GRM7: variants seen among roughly 807,000 people sequenced by gnomAD.
GRM7 encodes the protein glutamate metabotropic receptor 7, also known as metabotropic glutamate receptor 7.
A neutral mutation model predicts 84.5 loss-of-function variants in GRM7; 35 were observed. The observed-to-expected ratio is 0.41, with a 90% CI of 0.32 to 0.55. GRM7 has a LOEUF of 0.55. Among genes scored for constraint, GRM7 ranks in the 20% least tolerant of loss-of-function variants. GRM7 has a pLI of 0.19. For synonymous variants in GRM7, 487 were observed against 455.1 expected (o/e 1.07, Z -0.89); for missense variants, 1,003 against 1,194.6 (o/e 0.84, Z 2.36).
chr3:6,958,145 C>A (rs1419118700), intron 1 of GRM7, among the ~76,000 whole-genome samples: 1 of 151,790 alleles, frequency 6.6e-6, no homozygotes, highest in Admixed American at 6.6e-5. Flanking sequence ...ATCAAATTTA[C>A]CACCCCCAAA....
At chr3:7,730,918 A>G (rs569138027) in intron 9 of GRM7, among the ~76,000 whole-genome samples, 2 of 152,326 alleles carry the variant, frequency 1.3e-5, no homozygotes, top group African/African-American at 4.8e-5. Context: ...TTTTTTTCCA[A>G]AGTAAAACAT....
At chr3:7,142,615 T>C (rs1385264862) in intron 1 of GRM7, among the ~76,000 whole-genome samples, 1 of 152,146 alleles carries the variant, frequency 6.6e-6, no homozygotes, top group Non-Finnish European at 1.5e-5. Context: ...ATGTAGATTA[T>C]AGTTCTTGAT....
At position 7,740,425 on chromosome 3, in the gene GRM7, A is replaced by T. The variant is rs1235784694; in HGVS notation, c.*19A>T. ...TATCTAACCTGTTCCATTCCATGGA[A>T]CCATGGAGGAGGAAGACCCTCAGTT... On this transcript the variant is annotated 3_prime_UTR_variant, in exon 10 of 10. Transcript: ENST00000357716. 3 of 1,406,790 alleles carry T rather than the reference A, an allele frequency of 2.1e-6. No homozygotes were observed. The highest frequency in any genetic ancestry group is 3.0e-6 in the Non-Finnish European group (3 of 1,013,530). The allele number at this position is 1,406,790 out of a possible 1,614,324, so 87.1% of individuals were successfully genotyped here.
At position 7,597,192 on chromosome 3, in the gene GRM7, G is replaced by C. The variant is rs576701694; in HGVS notation, c.2451+17835G>C. On this transcript the variant is annotated intron_variant, in intron 8 of 9. Coordinates refer to ENST00000357716, the MANE Select transcript of GRM7 (RefSeq NM_000844.4). ...AATCACAGTGGAAGACGAGGGGGACGTAGGCATCTCACATGGCAGGAGGAG... is the reference window on the plus strand; with the variant it reads ...AATCACAGTGGAAGACGAGGGGGACCTAGGCATCTCACATGGCAGGAGGAG... 2.3e-4 allele frequency among the ~76,000 whole-genome samples: 35 copies of C among 152,212 alleles called. No homozygotes were observed. The South Asian group carries it at 6.6e-3, about 29-fold the overall frequency.
intron 8 of GRM7, among the ~76,000 whole-genome samples, chr3:7,610,876 AC>A: frequency 6.6e-6 from 1 of 152,348 alleles, no homozygotes; most frequent in East Asian, 1.9e-4. Context: ...CGAAAACATT[AC>A]TTTGGCCATC....
chr3:7,170,291 C>A (rs1352037762), intron 2 of GRM7, among the ~76,000 whole-genome samples: 1 of 152,144 alleles, frequency 6.6e-6, no homozygotes, highest in Non-Finnish European at 1.5e-5. Flanking sequence ...ATCGTGGAGG[C>A]CAGTTTTCCA....
At chr3:7,257,645 G>A (rs569924360) in intron 2 of GRM7, among the ~76,000 whole-genome samples, 5 of 152,200 alleles carry the variant, frequency 3.3e-5, no homozygotes, top group African/African-American at 1.2e-4. Context: ...GAAACCTAGC[G>A]GTAGCAAGTA....
At chr3:7,610,188 A>C (rs1696785384) in intron 8 of GRM7, among the ~76,000 whole-genome samples, 1 of 152,208 alleles carries the variant, frequency 6.6e-6, no homozygotes, top group East Asian at 1.9e-4. Context: ...AGTCTACAGC[A>C]GCATAGGACT....
chr3:6,891,407 A>G (rs1253846286), intron 1 of GRM7, among the ~76,000 whole-genome samples: 2 of 152,054 alleles, frequency 1.3e-5, no homozygotes, highest in Non-Finnish European at 2.9e-5. Flanking sequence ...TTCCTTCAGG[A>G]GCTCTTTTAG....
intron 4 of GRM7, among the ~76,000 whole-genome samples, chr3:7,342,415 C>T (rs1227526506): frequency 2.6e-5 from 4 of 152,142 alleles, no homozygotes; most frequent in African/African-American, 4.8e-5. Context: ...CCATGCTAGA[C>T]ATGACCAATC....
chr3:7,324,193 A>G lies in GRM7; in HGVS notation c.1033+17541A>G, dbSNP rs573697810. Reference sequence around the variant, plus strand: ...GTGTTTTCAGGCAATGGTGGTCAGCATCATGATTTTCATCCCTGCGTATGA... The same window carrying G: ...GTGTTTTCAGGCAATGGTGGTCAGCGTCATGATTTTCATCCCTGCGTATGA... On this transcript the variant is annotated intron_variant, in intron 4 of 9. Coordinates refer to ENST00000357716, the MANE Select transcript of GRM7 (RefSeq NM_000844.4). 4.6e-5 allele frequency among the ~76,000 whole-genome samples: 7 copies of G among 152,324 alleles called. No individual in the cohort carries two copies. The South Asian group carries it at 1.4e-3, about 32-fold the overall frequency.
At chr3:7,085,420 G>A (rs931062377) in intron 1 of GRM7, among the ~76,000 whole-genome samples, 3 of 151,974 alleles carry the variant, frequency 2.0e-5, no homozygotes, top group African/African-American at 7.2e-5. Context: ...ATTCGACTTG[G>A]TATAGAATTA....
chr3:7,250,414 A>C (rs2124937356), intron 2 of GRM7, among the ~76,000 whole-genome samples: 1 of 151,998 alleles, frequency 6.6e-6, no homozygotes, highest in African/African-American at 2.4e-5. Flanking sequence ...GGTGTTGATA[A>C]ATAAGCACTC....
intron 4 of GRM7, among the ~76,000 whole-genome samples, chr3:7,410,598 TACACACAC>T (rs35513247): frequency 0.029 from 4,171 of 142,564 alleles, 200 homozygotes; most frequent in African/African-American, 0.094. Flanking sequence ...TATATATATA[TACACACAC>T]ACACACACAC....
chr3:6,916,902 G>A (rs930915328), intron 1 of GRM7, among the ~76,000 whole-genome samples: 3 of 152,096 alleles, frequency 2.0e-5, no homozygotes, highest in Non-Finnish European at 2.9e-5. Flanking sequence ...TGGCTGGGTG[G>A]GGGCAGAAAA....
At chr3:7,477,233 A>C (rs1031079758) in intron 7 of GRM7, among the ~76,000 whole-genome samples, 3 of 152,166 alleles carry the variant, frequency 2.0e-5, no homozygotes, top group Non-Finnish European at 4.4e-5. Flanking sequence ...AAATGCACTC[A>C]AAAGAGCAAG....
chr3:7,424,007 G>C (rs1559312037), intron 5 of GRM7, among the ~76,000 whole-genome samples: 1 of 152,120 alleles, frequency 6.6e-6, no homozygotes, highest in Non-Finnish European at 1.5e-5. Context: ...TCACTAATTT[G>C]TTCATAAAAG....
chr3:7,566,101 CTGTTTTTTTTTT>C (rs1275352367), intron 7 of GRM7, among the ~76,000 whole-genome samples: 8 of 53,664 alleles, frequency 1.5e-4, no homozygotes, highest in African/African-American at 5.0e-4. Context: ...TCTGAATCAG[CTGTTTTTTTTTT>C]TTTTTTTTTT....
intron 4 of GRM7, among the ~76,000 whole-genome samples, chr3:7,378,636 C>G (rs963202360): frequency 2.6e-5 from 4 of 152,052 alleles, no homozygotes; most frequent in Non-Finnish European, 4.4e-5. Flanking sequence ...ATTTTAGAGA[C>G]TTTTAAAAAC....
Sources: allele counts gnomAD v4.1 joint callset (sites outside exome capture counted in the v4.1 genomes callset), GRCh38; gene constraint gnomAD v4.1.1; transcripts MANE v1.5; gene names NCBI Gene and HGNC (gene_info 2026-07-23, HGNC 2026-07-21).